The following ARHGAP15 variants were observed in gnomAD, a reference collection of about 807,000 sequenced individuals.
The protein encoded by ARHGAP15 is Rho GTPase activating protein 15.
In ARHGAP15, 51 loss-of-function variants were observed where a neutral mutation model predicts 63.7. The observed-to-expected ratio is 0.80, with a 90% CI of 0.64 to 1.01. ARHGAP15 has a LOEUF of 1.01. Among genes scored for constraint, ARHGAP15 ranks in the 50% least tolerant of loss-of-function variants. ARHGAP15 has a pLI of 0.00. For synonymous variants in ARHGAP15, 191 were observed against 193.8 expected, an observed-to-expected ratio of 0.99 and a Z score of 0.12; for missense variants, 560 against 564.6, an observed-to-expected ratio of 0.99 and a Z score of 0.08.
chr2:143,361,119 C>G (rs1686033394), intron 6 of ARHGAP15, among the ~76,000 whole-genome samples: 1 of 151,846 alleles, frequency 6.6e-6, no homozygotes, highest in Admixed American at 6.6e-5. Flanking sequence ...GAAGCTATAT[C>G]TATAGACACT....
intron 13 of ARHGAP15, among the ~76,000 whole-genome samples, chr2:143,723,163 T>A (rs1215922105): frequency 6.6e-6 from 1 of 152,248 alleles, no homozygotes; most frequent in African/African-American, 2.4e-5. Flanking sequence ...AGCCTAGGTA[T>A]GTAGTAGGCT....
intron 6 of ARHGAP15, among the ~76,000 whole-genome samples, chr2:143,278,194 C>T (rs1681660974): frequency 6.6e-6 from 1 of 152,166 alleles, no homozygotes; most frequent in Non-Finnish European, 1.5e-5. Context: ...GTCACCTTCT[C>T]TCACTCACGG....
chr2:143,555,888 AAT>A (rs1420420609), intron 10 of ARHGAP15, among the ~76,000 whole-genome samples: 3 of 71,428 alleles, frequency 4.2e-5, no homozygotes, highest in African/African-American at 2.3e-4. Flanking sequence ...AATAGAATAG[AAT>A]AGAATAGAAT....
intron 12 of ARHGAP15, among the ~76,000 whole-genome samples, chr2:143,625,823 C>A (rs574738217): frequency 6.6e-6 from 1 of 152,262 alleles, no homozygotes; most frequent in East Asian, 1.9e-4. Flanking sequence ...AATTTCACAT[C>A]ATCATCTCCA....
At chr2:143,607,220 G>A (rs542660831) in intron 11 of ARHGAP15, among the ~76,000 whole-genome samples, 2 of 152,194 alleles carry the variant, frequency 1.3e-5, no homozygotes, top group African/African-American at 2.4e-5. Flanking sequence ...GTGGGGCAGA[G>A]TGTGAGAAGA....
chr2:143,510,018 T>TAAAA (rs35469918), intron 9 of ARHGAP15, among the ~76,000 whole-genome samples: 934 of 48,824 alleles, frequency 0.019, 32 homozygotes, highest in Non-Finnish European at 0.027. Flanking sequence ...GACTCCCTCT[T>TAAAA]AAAAAAAAAA....
At chr2:143,335,083 G>A (rs1364134369) in intron 6 of ARHGAP15, among the ~76,000 whole-genome samples, 5 of 152,116 alleles carry the variant, frequency 3.3e-5, no homozygotes, top group African/African-American at 1.2e-4. Flanking sequence ...GTCTTGACTG[G>A]AGAATTTCTC....
intron 11 of ARHGAP15, among the ~76,000 whole-genome samples, chr2:143,588,352 G>A (rs976790753): frequency 3.3e-5 from 5 of 152,110 alleles, no homozygotes; most frequent in Non-Finnish European, 7.4e-5. Flanking sequence ...GAAGAGACAG[G>A]TGTAAATTTT....
intron 5 of ARHGAP15, chr2:143,236,683 A>T (rs1693665048): frequency 6.6e-6 from 1 of 152,164 alleles, no homozygotes; most frequent in Admixed American, 6.6e-5. Flanking sequence ...ACATTTCTGA[A>T]GGATGTATAG....
chr2:143,269,260 T>A (rs914671163), intron 6 of ARHGAP15, among the ~76,000 whole-genome samples: 3 of 152,150 alleles, frequency 2.0e-5, no homozygotes, highest in African/African-American at 7.2e-5. Context: ...GATATAGATT[T>A]AGGGATTTTC....
At chr2:143,498,208 G>A (rs1334504627) in intron 9 of ARHGAP15, among the ~76,000 whole-genome samples, 1 of 152,058 alleles carries the variant, frequency 6.6e-6, no homozygotes, top group Non-Finnish European at 1.5e-5. Context: ...AATTTTGTCC[G>A]ATATTAAAAG....
At chr2:143,678,165 T>C (rs914710351) in intron 12 of ARHGAP15, among the ~76,000 whole-genome samples, 1 of 152,264 alleles carries the variant, frequency 6.6e-6, no homozygotes, top group Middle Eastern at 3.4e-3. Flanking sequence ...TGAGCTGTGA[T>C]CATGCCACTA....
chr2:143,532,359 G>A (rs1694557314), intron 10 of ARHGAP15, among the ~76,000 whole-genome samples: 1 of 152,082 alleles, frequency 6.6e-6, no homozygotes, highest in African/African-American at 2.4e-5. Context: ...TATAGTGAAA[G>A]CTTCTTGTAA....
intron 6 of ARHGAP15, among the ~76,000 whole-genome samples, chr2:143,408,566 T>G (rs1688312834): frequency 1.3e-5 from 2 of 151,988 alleles, no homozygotes; most frequent in African/African-American, 2.4e-5. Context: ...ATTATGCTAA[T>G]AGTTCTCATA....
At chr2:143,684,047 T>C (rs1683219571) in intron 12 of ARHGAP15, among the ~76,000 whole-genome samples, 2 of 149,854 alleles carry the variant, frequency 1.3e-5, no homozygotes, top group Non-Finnish European at 3.0e-5. Context: ...TTAGCCTCAA[T>C]AATCTGTACA....
intron 10 of ARHGAP15, among the ~76,000 whole-genome samples, chr2:143,528,630 C>T (rs757560004): frequency 1.6e-4 from 24 of 152,024 alleles, no homozygotes; most frequent in African/African-American, 2.4e-4. Flanking sequence ...TCTGTAAAGA[C>T]GTTGAATATA....
intron 12 of ARHGAP15, among the ~76,000 whole-genome samples, chr2:143,628,363 A>G (rs1698922531): frequency 6.6e-6 from 1 of 152,184 alleles, no homozygotes; most frequent in Non-Finnish European, 1.5e-5. Flanking sequence ...TGCTGGGCCC[A>G]ATGGTAGCTC....
chr2:143,582,169 G>A (rs962704622), intron 11 of ARHGAP15, among the ~76,000 whole-genome samples: 1 of 152,126 alleles, frequency 6.6e-6, no homozygotes, highest in African/African-American at 2.4e-5. Context: ...CAAGGCAATG[G>A]CCAGTAAGAG....
chr2:143,612,775 A>C (rs1006425253), intron 11 of ARHGAP15, among the ~76,000 whole-genome samples: 3 of 152,218 alleles, frequency 2.0e-5, no homozygotes, highest in Non-Finnish European at 2.9e-5. Context: ...GGACTCCGCT[A>C]CTAAATACCT....
Sources: allele counts gnomAD v4.1 joint callset (sites outside exome capture counted in the v4.1 genomes callset), GRCh38; gene constraint gnomAD v4.1.1; transcripts MANE v1.5; gene names NCBI Gene and HGNC (gene_info 2026-07-23, HGNC 2026-07-21).